Variants in CRYBG3 observed in about 807,000 individuals in gnomAD.
CRYBG3 encodes crystallin beta-gamma domain containing 3.
A neutral mutation model predicts 244.2 loss-of-function variants in CRYBG3; 127 were observed. That is an observed-to-expected ratio of 0.52 (90% confidence interval 0.45 to 0.60). CRYBG3 has a LOEUF of 0.60. CRYBG3 is among the 20% of genes least tolerant of loss of function. CRYBG3 has a pLI of 0.00. For synonymous variants in CRYBG3, 1,132 were observed against 1,195.8 expected (o/e 0.95, Z 1.10); for missense variants, 3,325 against 3,442.5 (o/e 0.97, Z 0.85).
At chr3:97,901,856 C>T (rs890133743) in intron 15 of CRYBG3, among the ~76,000 whole-genome samples, 3 of 152,082 alleles carry the variant, frequency 2.0e-5, no homozygotes, top group South Asian at 2.1e-4. Context: ...CAGCAGAAAA[C>T]GCCCAGTGAA....
chr3:97,847,832 T>C (rs555876374), intron 2 of CRYBG3, among the ~76,000 whole-genome samples: 4 of 152,366 alleles, frequency 2.6e-5, no homozygotes, highest in Admixed American at 1.3e-4. Flanking sequence ...GGTGTATGCC[T>C]GTGATATTCT....
chr3:97,835,886 AG>A (rs1342120791), intron 1 of CRYBG3, among the ~76,000 whole-genome samples: 2 of 152,150 alleles, frequency 1.3e-5, no homozygotes, highest in Non-Finnish European at 2.9e-5. Context: ...CGAGGGATTC[AG>A]GGTATTGAAT....
Position 97,873,854 on chromosome 3 carries a change from A to G in CRYBG3, c.2660A>G (p.Gln887Arg). Reference sequence around the variant, plus strand: ...GAAGTTGAACAGGGCAAACGTTTTCAATCAATTAATCATAATGAGATAGGA... The same window carrying G: ...GAAGTTGAACAGGGCAAACGTTTTCGATCAATTAATCATAATGAGATAGGA... ...FLEVEQGKRFQSINHNEIGEK... is the reference protein window; with the variant it reads ...FLEVEQGKRFRSINHNEIGEK... The change falls in exon 4 of 22, where the codon CAA (glutamine) becomes CGA (arginine). Residue 887 changes from glutamine to arginine, a missense_variant. By Grantham distance (43) the Gln-to-Arg change is conservative. Coordinates refer to ENST00000389622, the MANE Select transcript of CRYBG3 (RefSeq NM_153605.4). 6.5e-7 allele frequency: 1 copy of G among 1,535,156 alleles called. No individual in the cohort carries two copies. Among genetic ancestry groups the G allele is most frequent in the Non-Finnish European group, 8.7e-7 (1 of 1,146,582 alleles).
At chr3:97,844,999 A>G (rs376567587) in intron 2 of CRYBG3, among the ~76,000 whole-genome samples, 1 of 152,140 alleles carries the variant, frequency 6.6e-6, no homozygotes, top group Non-Finnish European at 1.5e-5. Flanking sequence ...TATCCTGTGC[A>G]TTTTGGCTCA....
chr3:97,889,818 G>A (rs1192662823), intron 10 of CRYBG3, among the ~76,000 whole-genome samples: 1 of 152,142 alleles, frequency 6.6e-6, no homozygotes, highest in Admixed American at 6.6e-5. Flanking sequence ...ATGGCAGTTT[G>A]TAAGTATGAG....
At chr3:97,885,913 G>A (rs1218194596) in intron 7 of CRYBG3, among the ~76,000 whole-genome samples, 12 of 152,186 alleles carry the variant, frequency 7.9e-5, no homozygotes, top group Admixed American at 7.9e-4. Flanking sequence ...AAGTAGGCCT[G>A]TAATCAAAGT....
chr3:97,860,855 T>C (rs1294582181), intron 2 of CRYBG3, among the ~76,000 whole-genome samples: 7 of 152,236 alleles, frequency 4.6e-5, no homozygotes, highest in Non-Finnish European at 8.8e-5. Context: ...TCCTCTTTTT[T>C]TCCTGCGCAC....
At chr3:97,933,562 C>G (rs1304918646) in intron 17 of CRYBG3, 132 bp from the exon 18 acceptor site, 5 of 908,066 alleles carry the variant, frequency 5.5e-6, no homozygotes, top group Non-Finnish European at 8.9e-6. Context: ...TTGACTATAG[C>G]AACCTTAGAG....
intron 3 of CRYBG3, 43 bp downstream of exon 3, chr3:97,864,690 T>A: frequency 7.3e-7 from 1 of 1,370,814 alleles, no homozygotes; most frequent in Admixed American, 2.5e-5. Flanking sequence ...TTGAGCTTTT[T>A]GGACCTAGCT....
chr3:97,841,606 G>C (rs546903804), intron 1 of CRYBG3, among the ~76,000 whole-genome samples: 2 of 152,096 alleles, frequency 1.3e-5, no homozygotes, highest in East Asian at 3.9e-4. Flanking sequence ...CTTTCCATCT[G>C]ATCCGCTTTG....
Position 97,871,905 on chromosome 3 carries a change from C to A in CRYBG3, c.711C>A (p.His237Gln), listed in dbSNP as rs1288075178. 1 of 1,534,764 alleles carries A rather than the reference C, an allele frequency of 6.5e-7. No homozygotes were observed. Among genetic ancestry groups the A allele is most frequent in the Non-Finnish European group, 8.7e-7 (1 of 1,146,370 alleles). Reference protein sequence around the residue: ...VTYATYRGPRHIGKYLKQQTG... With the variant: ...VTYATYRGPRQIGKYLKQQTG... ...ATGCAACATATCGAGGCCCAAGACACATTGGGAAATATTTAAAGCAACAGA... is the reference window on the plus strand; with the variant it reads ...ATGCAACATATCGAGGCCCAAGACAAATTGGGAAATATTTAAAGCAACAGA... Residue 237 changes from histidine (H) to glutamine (Q), a missense_variant, in exon 4 of 22, where the codon CAC (histidine) becomes CAA (glutamine). Coordinates refer to ENST00000389622, the MANE Select transcript of CRYBG3 (RefSeq NM_153605.4).
chr3:97,851,295 C>T (rs1220529302), intron 2 of CRYBG3, among the ~76,000 whole-genome samples: 1 of 152,094 alleles, frequency 6.6e-6, no homozygotes, highest in Non-Finnish European at 1.5e-5. Flanking sequence ...AGCCAGATGT[C>T]TTAGTAGAAC....
Position 97,900,466 on chromosome 3 carries a change from T to C in CRYBG3, c.7985T>C (p.Ile2662Thr). Residue 2662 changes from isoleucine (I) to threonine (T), a missense_variant, in exon 15 of 22, where the codon ATA becomes ACA. Around this residue, in one of 4 missense-constraint regions of CRYBG3, gnomAD observed 714 missense variants for 803.6 expected, o/e 0.89. Transcript: ENST00000389622. ...TATGTTTTTCAGGAACCACTTGGGA[T>C]AAATGAACCTCCGCATTTGGTATGT... is the stretch of plus-strand genomic sequence containing the variant. Reference protein sequence around the residue: ...IRPIQLEPLGINEPPHLLKAF... With the variant: ...IRPIQLEPLGTNEPPHLLKAF... The C allele has an allele frequency of 1.3e-6, 2 of 1,558,940 alleles. No homozygotes were observed. The highest frequency in any genetic ancestry group is 2.2e-5 in the South Asian group (2 of 88,892).
At position 97,873,122 on chromosome 3, in the gene CRYBG3, T is replaced by C. The variant is rs1466353670; in HGVS notation, c.1928T>C (p.Leu643Pro). The C allele has an allele frequency of 6.5e-7, 1 of 1,535,674 alleles. No homozygotes were observed. Among genetic ancestry groups the C allele is most frequent in the East Asian group, 2.4e-5 (1 of 40,914 alleles). Reference sequence around the variant, plus strand: ...GTATCACCTGATGCTAAAACATCTCTTAGCCTTGACTGTAAAAAACTAAAT... The same window carrying C: ...GTATCACCTGATGCTAAAACATCTCCTAGCCTTGACTGTAAAAAACTAAAT... The part of the protein sequence containing the change: ...AEVSPDAKTS[L>P]SLDCKKLNFS... Residue 643 changes from leucine (L) to proline (P), a missense_variant, in exon 4 of 22, where the codon CTT becomes CCT. Coordinates refer to ENST00000389622, the MANE Select transcript of CRYBG3 (RefSeq NM_153605.4).
Position 97,875,022 on chromosome 3 carries a change from G to T in CRYBG3, c.3828G>T (p.Lys1276Asn), listed in dbSNP as rs1222265031. Reference protein sequence around the residue: ...GMENMSEVKEKPCVSPTVGEK... With the variant: ...GMENMSEVKENPCVSPTVGEK... ...AAAACATGTCAGAAGTCAAAGAGAA[G>T]CCCTGTGTTTCACCAACAGTTGGTG... Residue 1276 changes from lysine (K) to asparagine (N), a missense_variant, in exon 4 of 22, where the codon AAG becomes AAT. This residue lies in a region of CRYBG3 where 635 missense variants were observed against 771.7 expected (regional missense o/e 0.82). Coordinates refer to ENST00000389622, the MANE Select transcript of CRYBG3 (RefSeq NM_153605.4). The T allele has an allele frequency of 6.5e-7, 1 of 1,535,584 alleles. No homozygotes were observed. The highest frequency in any genetic ancestry group is 2.4e-5 in the East Asian group (1 of 40,930).
chr3:97,864,497 G>A lies in CRYBG3; in HGVS notation c.497G>A (p.Gly166Glu). 26 of 1,535,878 alleles carry A rather than the reference G, an allele frequency of 1.7e-5. No individual in the cohort carries two copies. Among genetic ancestry groups the A allele is most frequent in the Non-Finnish European group, 2.3e-5 (26 of 1,146,822 alleles). The change falls in exon 3 of 22, where the codon GGG becomes GAG. Residue 166 changes from glycine (G) to glutamate (E), a missense_variant. Gly to Glu is a moderately conservative substitution (Grantham distance 98). Transcript: ENST00000389622. ...LQNPSDHHED[G>E]IKREREIFSG... ...AATCCCAGTGACCATCATGAAGACG[G>A]GATCAAAAGGGAGAGAGAGATTTTC...
At chr3:97,908,193 T>A (rs1043368648) in intron 15 of CRYBG3, among the ~76,000 whole-genome samples, 2 of 152,122 alleles carry the variant, frequency 1.3e-5, no homozygotes, top group Non-Finnish European at 2.9e-5. Flanking sequence ...GGAATAGGTG[T>A]GTTGTGGTGC....
chr3:97,871,155 T>C (rs963121964), intron 3 of CRYBG3, among the ~76,000 whole-genome samples: 2 of 152,218 alleles, frequency 1.3e-5, no homozygotes, highest in African/African-American at 4.8e-5. Context: ...ATCTTTATAC[T>C]GTGGTTAGAT....
rs577108022 is a variant in CRYBG3 at position 97,853,523 on chromosome 3, G to A, written c.216+10262G>A. The stretch of plus-strand genomic sequence containing the variant: ...GAATTGTGCTGCTATAAACATGTGA[G>A]TGCAGGTGACTTTTTCATATAATGA... On this transcript the variant is annotated intron_variant, in intron 2 of 21. Transcript: ENST00000389622. Among the ~76,000 whole-genome samples, 106 of 152,184 alleles carry A rather than the reference G, an allele frequency of 7.0e-4. 1 individual carries two copies. The South Asian group carries it at 0.02, about 29-fold the overall frequency.
Sources: gnomAD v4.1 joint callset for allele counts (sites outside exome capture counted in the v4.1 genomes callset) on GRCh38, gnomAD v4.1.1 for gene constraint, gnomAD v4.1.1 regional missense constraint, MANE v1.5 for transcripts, NCBI Gene and HGNC (gene_info 2026-07-23, HGNC 2026-07-21) for gene names.